The following EXOC4 variants were observed in gnomAD, a reference collection of about 807,000 sequenced individuals.
EXOC4 encodes the protein exocyst complex component 4, also known as SEC8-like 1.
Under a neutral mutation model 107.2 loss-of-function variants are expected in EXOC4, and 71 were observed. The observed-to-expected ratio is 0.66, with a 90% CI of 0.55 to 0.81. EXOC4 has a LOEUF of 0.81. Among genes scored for constraint, EXOC4 ranks in the 30% least tolerant of loss-of-function variants. EXOC4 has a pLI of 0.00. For synonymous variants in EXOC4, 456 were observed against 441.2 expected (o/e 1.03, Z -0.42); for missense variants, 1,108 against 1,189.6 (o/e 0.93, Z 1.01).
chr7:133,293,287 C>G (rs1794447115), intron 3 of EXOC4, among the ~76,000 whole-genome samples: 1 of 152,150 alleles, frequency 6.6e-6, no homozygotes, highest in Non-Finnish European at 1.5e-5. Flanking sequence ...GTAGTAAGCT[C>G]TATAATTGCT....
intron 5 of EXOC4, among the ~76,000 whole-genome samples, chr7:133,337,806 A>AT (rs1452232542): frequency 1.3e-5 from 2 of 151,490 alleles, no homozygotes; most frequent in Admixed American, 1.3e-4. Flanking sequence ...TAATTTTTGC[A>AT]TTTTTTATAG....
intron 9 of EXOC4, among the ~76,000 whole-genome samples, chr7:133,544,574 C>A (rs1039798009): frequency 6.6e-6 from 1 of 152,074 alleles, no homozygotes; most frequent in Non-Finnish European, 1.5e-5. Context: ...GTGTCAAATG[C>A]CTTTTTCTTC....
chr7:133,445,388 T>G (rs1429345100), intron 7 of EXOC4, among the ~76,000 whole-genome samples: 1 of 152,172 alleles, frequency 6.6e-6, no homozygotes, highest in Non-Finnish European at 1.5e-5. Context: ...TTTGCAGTTG[T>G]GTAGGGTAGG....
chr7:133,254,610 G>A (rs1022059746), intron 1 of EXOC4, among the ~76,000 whole-genome samples: 4 of 152,142 alleles, frequency 2.6e-5, no homozygotes, highest in African/African-American at 9.7e-5. Context: ...CGTCTGGCAC[G>A]TATTACATAT....
At chr7:133,754,814 G>A (rs965889643) in intron 10 of EXOC4, among the ~76,000 whole-genome samples, 1 of 152,160 alleles carries the variant, frequency 6.6e-6, no homozygotes, top group Non-Finnish European at 1.5e-5. Context: ...CTTCTAAGAT[G>A]TGGTCTAAAG....
intron 10 of EXOC4, among the ~76,000 whole-genome samples, chr7:133,630,919 G>T (rs556590858): frequency 6.6e-6 from 1 of 152,184 alleles, no homozygotes; most frequent in East Asian, 1.9e-4. Context: ...TACTTTATGA[G>T]AGTGGAAAAA....
At chr7:133,309,583 A>G (rs866275083) in intron 4 of EXOC4, among the ~76,000 whole-genome samples, 2 of 152,186 alleles carry the variant, frequency 1.3e-5, no homozygotes, top group South Asian at 2.1e-4. Context: ...ATGTATATAT[A>G]TATGTAAGTA....
At chr7:134,035,598 C>T (rs1412187027) in intron 17 of EXOC4, among the ~76,000 whole-genome samples, 1 of 152,076 alleles carries the variant, frequency 6.6e-6, no homozygotes, top group Non-Finnish European at 1.5e-5. Flanking sequence ...TAACAGAAAA[C>T]ACTGACTTAA....
At chr7:134,001,000 T>C (rs1265912323) in intron 15 of EXOC4, among the ~76,000 whole-genome samples, 1 of 152,164 alleles carries the variant, frequency 6.6e-6, no homozygotes, top group African/African-American at 2.4e-5. Context: ...CAGTCTGTGT[T>C]GAAGGATCCA....
intron 10 of EXOC4, among the ~76,000 whole-genome samples, chr7:133,709,653 T>A (rs946702188): frequency 6.8e-6 from 1 of 146,510 alleles, no homozygotes; most frequent in African/African-American, 2.7e-5. Context: ...TTCTTTTTTT[T>A]TTTTTTTTTT....
chr7:133,332,089 G>A (rs1795407647), intron 5 of EXOC4, among the ~76,000 whole-genome samples: 1 of 152,178 alleles, frequency 6.6e-6, no homozygotes, highest in African/African-American at 2.4e-5. Flanking sequence ...TTTTGACTGA[G>A]TAGTTACTCC....
rs373112678 is a variant in EXOC4, at chr7:133,928,090, T to A, written c.2028-9801T>A. 8.9e-4 allele frequency among the ~76,000 whole-genome samples: 135 copies of A among 152,314 alleles called. 4 individuals carry two copies. The South Asian group carries it at 0.028, about 31-fold the overall frequency. ...AGTGTCACTAATTTGTTTTCTAAATTTCATTTTTATTTAATTTTAGATATA... is the reference window on the plus strand; with the variant it reads ...AGTGTCACTAATTTGTTTTCTAAATATCATTTTTATTTAATTTTAGATATA... On this transcript the variant is annotated intron_variant, in intron 13 of 17. Transcript: ENST00000253861.
chr7:133,912,520 G>C (rs1193038132), intron 12 of EXOC4, among the ~76,000 whole-genome samples: 1 of 152,190 alleles, frequency 6.6e-6, no homozygotes, highest in Non-Finnish European at 1.5e-5. Context: ...CAAATGACTT[G>C]ACAGCTCATC....
At chr7:133,295,205 C>G (rs1258688197) in intron 3 of EXOC4, among the ~76,000 whole-genome samples, 1 of 152,006 alleles carries the variant, frequency 6.6e-6, no homozygotes, top group African/African-American at 2.4e-5. Flanking sequence ...GATTCCTTTT[C>G]TTCTTGGCCT....
intron 9 of EXOC4, among the ~76,000 whole-genome samples, chr7:133,609,137 A>G (rs7791294): frequency 0.029 from 4,487 of 152,250 alleles, 216 homozygotes; most frequent in African/African-American, 0.1. Flanking sequence ...AAATCCATCA[A>G]TTGGGATATC....
chr7:133,368,409 G>A (rs550394795), intron 6 of EXOC4, among the ~76,000 whole-genome samples: 1 of 152,292 alleles, frequency 6.6e-6, no homozygotes, highest in African/African-American at 2.4e-5. Flanking sequence ...CAAGCTGTAA[G>A]AAGGAGAGAG....
Position 133,335,464 on chromosome 7 carries a change from T to G in EXOC4, c.763+18074T>G, listed in dbSNP as rs190812754. ...AAGTGGAATCATATAGTATTTGTCT[T>G]TTGTGACTAGTTATTTCACTTAGCA... On this transcript the variant is annotated intron_variant, in intron 5 of 17. Transcript: ENST00000253861. Among the ~76,000 whole-genome samples the G allele has an allele frequency of 8.4e-4, 128 of 152,340 alleles. 1 individual carries two copies. The highest frequency in any genetic ancestry group is 1.4e-3 in the Non-Finnish European group (93 of 68,036).
At chr7:133,710,732 A>G (rs978946555) in intron 10 of EXOC4, among the ~76,000 whole-genome samples, 3 of 151,990 alleles carry the variant, frequency 2.0e-5, no homozygotes, top group African/African-American at 7.2e-5. Flanking sequence ...CAGTAGCCTC[A>G]ACTATTTTTA....
intron 14 of EXOC4, among the ~76,000 whole-genome samples, chr7:133,953,996 C>T (rs1299515478): frequency 2.0e-5 from 3 of 152,200 alleles, no homozygotes; most frequent in African/African-American, 7.2e-5. Flanking sequence ...GATTCCTCAG[C>T]AGAGAGAGGC....
Sources: allele counts gnomAD v4.1 joint callset (sites outside exome capture counted in the v4.1 genomes callset), GRCh38; gene constraint gnomAD v4.1.1; transcripts MANE v1.5; gene names NCBI Gene and HGNC (gene_info 2026-07-23, HGNC 2026-07-21).